Variants in DDX59 observed in about 807,000 individuals in gnomAD.
DDX59 encodes DEAD-box helicase 59.
A neutral mutation model predicts 51.9 loss-of-function variants in DDX59; 30 were observed. The observed-to-expected ratio is 0.58, with a 90% CI of 0.43 to 0.78. DDX59 has a LOEUF of 0.78. Among genes scored for constraint, DDX59 ranks in the 30% least tolerant of loss-of-function variants. The pLI, the probability that DDX59 is intolerant of heterozygous loss-of-function variation, is 0.00. For synonymous variants in DDX59, 255 were observed against 253.3 expected (o/e 1.01, Z -0.06); for missense variants, 672 against 730.8 (o/e 0.92, Z 0.93).
At chr1:200,660,701 T>C (rs1662321002) in intron 3 of DDX59, among the ~76,000 whole-genome samples, 1 of 152,206 alleles carries the variant, frequency 6.6e-6, no homozygotes, top group Non-Finnish European at 1.5e-5. Flanking sequence ...AGTCTCATGG[T>C]TTCTAATAAA....
At position 200,648,504 on chromosome 1, in the gene DDX59, A is replaced by G; in HGVS notation, c.1531T>C (p.Leu511=). ...TTGACAACCAGCCTGACACTGATCAAGTCTAGGCCTCGTCCCAAGACTCCT... is the reference window on the plus strand; with the variant it reads ...TTGACAACCAGCCTGACACTGATCAGGTCTAGGCCTCGTCCCAAGACTCCT... ...STGVLGRGLD[L]ISVRLVVNFD... The change falls in exon 7 of 8, where the codon TTG becomes CTG. Residue 511 remains leucine, a synonymous_variant. Coordinates refer to ENST00000331314, the MANE Select transcript of DDX59 (RefSeq NM_001031725.6). 1 of 1,614,206 alleles carries G rather than the reference A, an allele frequency of 6.2e-7. No individual in the cohort carries two copies.
chr1:200,664,060 A>T lies in DDX59; in HGVS notation c.831T>A (p.Leu277=). Residue 277 remains leucine, a synonymous_variant, in exon 3 of 8, where the codon CTT becomes CTA. Transcript: ENST00000331314. ...GAATGGCTAACTCTCTGGTTGGTGT[A>T]AGAATGAGCGCAGATGGAGTTTTGC... The part of the protein sequence containing the change: ...FESKTPSALI[L]TPTRELAIQI... 1 of 1,613,520 alleles carries T rather than the reference A, an allele frequency of 6.2e-7. No homozygotes were observed. The highest frequency in any genetic ancestry group is 8.5e-7 in the Non-Finnish European group (1 of 1,179,864).
At chr1:200,646,696 T>C (rs937411289) in intron 7 of DDX59, among the ~76,000 whole-genome samples, 2 of 152,152 alleles carry the variant, frequency 1.3e-5, no homozygotes, top group African/African-American at 4.8e-5. Flanking sequence ...AATCTGGCAG[T>C]TCCTCAAAAT....
intron 7 of DDX59, among the ~76,000 whole-genome samples, chr1:200,646,578 C>G (rs551267150): frequency 6.6e-6 from 1 of 152,280 alleles, no homozygotes; most frequent in South Asian, 2.1e-4. Context: ...TTCATACCCA[C>G]TAGCATAGCT....
chr1:200,650,347 T>C, intron 5 of DDX59, 78 bp downstream of exon 5: 1 of 1,429,186 alleles, frequency 7.0e-7, no homozygotes, highest in South Asian at 1.5e-5. Flanking sequence ...GAAAGTTCAA[T>C]CTCAAAATCA....
intron 4 of DDX59, among the ~76,000 whole-genome samples, chr1:200,653,576 C>G (rs542868497): frequency 5.9e-5 from 9 of 152,140 alleles, no homozygotes; most frequent in African/African-American, 9.7e-5. Flanking sequence ...CTGCTTAAAC[C>G]CTCCAATGGT....
chr1:200,666,832 G>A, intron 1 of DDX59, 81 bp from the exon 2 acceptor site: 1 of 1,411,016 alleles, frequency 7.1e-7, no homozygotes, highest in East Asian at 2.4e-5. Context: ...TAAGGACAAG[G>A]TGCGGTGGCT....
intron 7 of DDX59, among the ~76,000 whole-genome samples, chr1:200,648,022 CT>C (rs141642813): frequency 0.12 from 12,090 of 99,594 alleles, 949 homozygotes; most frequent in East Asian, 0.46. Context: ...TTATACACTG[CT>C]TTTTTTTGGG....
chr1:200,646,634 C>G lies in DDX59; in HGVS notation c.1596+1805G>C, dbSNP rs78859016. 4.7e-3 allele frequency among the ~76,000 whole-genome samples: 709 copies of G among 152,258 alleles called. 4 individuals carry two copies. Among genetic ancestry groups the G allele is most frequent in the Non-Finnish European group, 7.9e-3 (540 of 68,030 alleles). On this transcript the variant is annotated intron_variant, in intron 7 of 7. Transcript: ENST00000331314. ...TGATGAGGATGTGGGGAAACTGGAACCTTAATAAGCCGCAGGCGAGAATGT... is the reference window on the plus strand; with the variant it reads ...TGATGAGGATGTGGGGAAACTGGAAGCTTAATAAGCCGCAGGCGAGAATGT...
intron 4 of DDX59, chr1:200,654,668 T>C (rs115667740): frequency 1.0e-3 from 153 of 152,394 alleles, no homozygotes; most frequent in Non-Finnish European, 1.8e-3. Context: ...GAGTGAGGGA[T>C]TTCAGAGTTA....
At position 200,668,779 on chromosome 1, in the gene DDX59, A is replaced by G. The variant is rs114596190; in HGVS notation, c.-12+988T>C. ...AAACAATTTACAACCTGCTCTCTCT[A>G]AAGTCTATCTAAGAGCTTCCTCTGC... On this transcript the variant is annotated intron_variant, in intron 1 of 7. Transcript: ENST00000331314. Among the ~76,000 whole-genome samples, 1,155 of 152,274 alleles carry G rather than the reference A, an allele frequency of 7.6e-3. 13 individuals carry two copies. The highest frequency in any genetic ancestry group is 0.026 in the African/African-American group (1,089 of 41,536).
Position 200,644,311 on chromosome 1 carries a change from T to G in DDX59, c.1803A>C (p.Thr601=), listed in dbSNP as rs750231186. 2.4e-5 allele frequency: 38 copies of G among 1,613,254 alleles called. No individual in the cohort carries two copies. Among genetic ancestry groups the G allele is most frequent in the Non-Finnish European group, 3.1e-5 (36 of 1,179,752 alleles). Residue 601 remains threonine, a synonymous_variant, in exon 8 of 8, where the codon ACA becomes ACC. Coordinates refer to ENST00000331314, the MANE Select transcript of DDX59 (RefSeq NM_001031725.6). Reference sequence around the variant, plus strand: ...TGATAATATCCATAAGATTAGCTCCTGTAACCAGATCATTCTGTGTCTGTT... The same window carrying G: ...TGATAATATCCATAAGATTAGCTCCGGTAACCAGATCATTCTGTGTCTGTT... The part of the protein sequence containing the change: ...KDKQTQNDLV[T]GANLMDIIRK...
rs1661585968 is a variant in DDX59, at chr1:200,650,471, CA to C, written c.1267del (p.Trp423GlyfsTer2). 1.2e-6 allele frequency: 2 copies of C among 1,613,578 alleles called. No individual in the cohort carries two copies. The highest frequency in any genetic ancestry group is 3.3e-5 in the Admixed American group (2 of 59,948). Reference sequence around the variant, plus strand: ...TTTCTTTTTGGCTGGGTCTTCTACCCACAAAATAATCTGACGTACATTGGCA... The same window carrying C: ...TTTCTTTTTGGCTGGGTCTTCTACCCCAAAATAATCTGACGTACATTGGCA... ...PCANVRQIIL[W>X]VEDPAKKKKL... On this transcript the variant is annotated frameshift_variant, in exon 5 of 8. Coordinates refer to ENST00000331314, the MANE Select transcript of DDX59 (RefSeq NM_001031725.6). LOFTEE classifies it high-confidence loss of function.
At chr1:200,660,836 A>G (rs1049158328) in intron 3 of DDX59, among the ~76,000 whole-genome samples, 1 of 152,230 alleles carries the variant, frequency 6.6e-6, no homozygotes, top group African/African-American at 2.4e-5. Flanking sequence ...ACTCGAGTTC[A>G]GCAGGGCCAA....
chr1:200,644,083 TG>T lies in DDX59; in HGVS notation c.*170del. 1.7e-6 allele frequency: 1 copy of T among 573,356 alleles called. No homozygotes were observed. The highest frequency in any genetic ancestry group is 2.3e-6 in the Non-Finnish European group (1 of 433,320). The allele number at this position is 573,356 out of a possible 1,614,324, so 35.5% of individuals were successfully genotyped here. ...TTTTATTTAATAATTCATTTTCTGA[TG>T]TTTTTAATTTATAAGAATTAAGGGA... On this transcript the variant is annotated 3_prime_UTR_variant, in exon 8 of 8. Transcript: ENST00000331314.
rs1412500288 is a variant in DDX59 at position 200,644,366 on chromosome 1, T to A, written c.1748A>T (p.Asp583Val). 1 of 1,613,884 alleles carries A rather than the reference T, an allele frequency of 6.2e-7. No homozygotes were observed. The highest frequency in any genetic ancestry group is 8.5e-7 in the Non-Finnish European group (1 of 1,179,932). The change falls in exon 8 of 8, where the codon GAC becomes GTC. Residue 583 changes from aspartate (D) to valine (V), a missense_variant. Asp to Val is a radical substitution (Grantham distance 152). Coordinates refer to ENST00000331314, the MANE Select transcript of DDX59 (RefSeq NM_001031725.6). ...PQLLNSPYLH[D>V]QKRKEQQKDK... ...TTTCTGTTGTTCCTTTCTCTTCTGG[T>A]CATGAAGGTATGGGGAATTTAATAA...
Position 200,650,575 on chromosome 1 carries a change from T to C in DDX59, c.1164A>G (p.Pro388=). The C allele has an allele frequency of 6.2e-7, 1 of 1,614,104 alleles. No individual in the cohort carries two copies. ...GGCTTGCTAGCTGTTCTATGCTAGTTGGAATTGTGGCTGAAACCAAAATGG... is the reference window on the plus strand; with the variant it reads ...GGCTTGCTAGCTGTTCTATGCTAGTCGGAATTGTGGCTGAAACCAAAATGG... ...CQTILVSATI[P]TSIEQLASQL... Residue 388 remains proline, a synonymous_variant, in exon 5 of 8, where the codon CCA becomes CCG. Transcript: ENST00000331314.
intron 4 of DDX59, among the ~76,000 whole-genome samples, chr1:200,656,974 G>A (rs148952557): frequency 1.3e-5 from 2 of 152,252 alleles, no homozygotes; most frequent in East Asian, 1.9e-4. Context: ...CTCAGGCCGG[G>A]TGCGGTGGCT....
chr1:200,669,350 G>C (rs569515726), intron 1 of DDX59, among the ~76,000 whole-genome samples: 2 of 152,278 alleles, frequency 1.3e-5, no homozygotes, highest in African/African-American at 2.4e-5. Context: ...AAATGTACAG[G>C]GGGTGGCGGG....
Sources: gnomAD v4.1 joint callset for allele counts (sites outside exome capture counted in the v4.1 genomes callset) on GRCh38, gnomAD v4.1.1 for gene constraint, MANE v1.5 for transcripts, NCBI Gene and HGNC (gene_info 2026-07-23, HGNC 2026-07-21) for gene names.